Variants in SEMA4D observed in about 807,000 individuals in gnomAD.
The protein encoded by SEMA4D is semaphorin 4D.
In SEMA4D, 22 loss-of-function variants were observed where a neutral mutation model predicts 74.8. That is an observed-to-expected ratio of 0.29 (90% CI 0.21 to 0.42). The LOEUF is 0.42. Ranked by LOEUF, SEMA4D falls within the 10% of genes least tolerant of loss-of-function variation. SEMA4D has a pLI of 1.00. For missense variants in SEMA4D, 937 were observed against 1,118.4 expected (o/e 0.84, Z 2.31); for synonymous variants, 445 against 463.7 (o/e 0.96, Z 0.52).
At chr9:89,420,822 A>T (rs1441377952) in intron 2 of SEMA4D, among the ~76,000 whole-genome samples, 1 of 152,208 alleles carries the variant, frequency 6.6e-6, no homozygotes, top group East Asian at 1.9e-4. Flanking sequence ...CCTTATCCAA[A>T]AAGTGGGCAT....
intron 2 of SEMA4D, among the ~76,000 whole-genome samples, chr9:89,454,827 C>A (rs1855543034): frequency 6.6e-6 from 1 of 152,240 alleles, no homozygotes; most frequent in South Asian, 2.1e-4. Flanking sequence ...CCACAGCACT[C>A]CCAGCCCCCA....
chr9:89,394,575 C>A (rs1215288570), intron 6 of SEMA4D, among the ~76,000 whole-genome samples: 1 of 152,270 alleles, frequency 6.6e-6, no homozygotes, highest in Non-Finnish European at 1.5e-5. Flanking sequence ...ACAGCCTGGG[C>A]ATGCTGAAGA....
At chr9:89,384,788 TGA>T (rs1286456414) in intron 13 of SEMA4D, 2 of 985,206 alleles carry the variant, frequency 2.0e-6, no homozygotes, top group Admixed American at 6.1e-5. Flanking sequence ...CTGATCACCG[TGA>T]GAGAGCCTGA....
At chr9:89,405,857 C>G in intron 2 of SEMA4D, 158 bp from the exon 3 acceptor site, 2 of 1,259,460 alleles carry the variant, frequency 1.6e-6, no homozygotes, top group African/African-American at 1.5e-5. Context: ...TAGAAGTGGA[C>G]AGCCCAACGG....
intron 2 of SEMA4D, among the ~76,000 whole-genome samples, chr9:89,448,041 A>G (rs1853403380): frequency 6.6e-6 from 1 of 152,156 alleles, no homozygotes. Context: ...ACGCTGGGGT[A>G]CAAGCTCACT....
chr9:89,489,845 A>G (rs1825485432), intron 1 of SEMA4D, among the ~76,000 whole-genome samples: 1 of 152,186 alleles, frequency 6.6e-6, no homozygotes, highest in Admixed American at 6.5e-5. Flanking sequence ...CCTGCTTTCA[A>G]TTCTTTTAGG....
At chr9:89,367,634 GA>G (rs1833888852) in intron 16 of SEMA4D, 1 of 152,276 alleles carries the variant, frequency 6.6e-6, no homozygotes, top group Non-Finnish European at 1.5e-5. Flanking sequence ...CCTGAGGACA[GA>G]TATTTCCCCC....
intron 2 of SEMA4D, among the ~76,000 whole-genome samples, chr9:89,445,402 T>C (rs1357826064): frequency 6.6e-6 from 1 of 152,198 alleles, no homozygotes; most frequent in African/African-American, 2.4e-5. Context: ...CAGAAGTGTA[T>C]TCCCTCACAG....
chr9:89,474,493 G>A (rs780940166), intron 1 of SEMA4D, among the ~76,000 whole-genome samples: 11 of 152,166 alleles, frequency 7.2e-5, no homozygotes, highest in African/African-American at 1.7e-4. Flanking sequence ...CGTAAACTGC[G>A]TTTACATGAG....
At position 89,386,389 on chromosome 9, in the gene SEMA4D, G is replaced by A. The variant is rs1838507575; in HGVS notation, c.1424C>T (p.Thr475Ile). The A allele has an allele frequency of 6.2e-7, 1 of 1,613,560 alleles. No homozygotes were observed. Among genetic ancestry groups the A allele is most frequent in the East Asian group, 2.2e-5 (1 of 44,872 alleles). Residue 475 changes from threonine (T) to isoleucine (I), a missense_variant, in exon 13 of 16, where the codon ACC becomes ATC. By Grantham distance (89) the Thr-to-Ile change is moderately conservative. Coordinates refer to ENST00000422704, the MANE Select transcript of SEMA4D (RefSeq NM_001371194.2). ...QLFQDFEPVQ[T>I]LLLSSKKGNR... ...TACCTTCTTTGAAGACAGCAGCAGG[G>A]TCTGGACTGGCTCAAAGTCCTGGAA... is the stretch of plus-strand genomic sequence containing the variant.
chr9:89,455,554 T>C (rs1438144753), intron 2 of SEMA4D, among the ~76,000 whole-genome samples: 1 of 152,184 alleles, frequency 6.6e-6, no homozygotes. Flanking sequence ...CTTCCCTTCC[T>C]GCCGGGGAAG....
rs1491451024 is a variant in SEMA4D at position 89,450,660 on chromosome 9, G to GGAAAAAAAAAAAAAAA, written c.-244+5227_-244+5228insTTTTTTTTTTTTTTTC. ...GAGTTCTGCAAGTCGAAAAACCCAG[G>GGAAAAAAAAAAAAAAA]AAAAAAAAAAAAAAAAAAAAAAAAA... On this transcript the variant is annotated intron_variant, in intron 2 of 15. Coordinates refer to ENST00000422704, the MANE Select transcript of SEMA4D (RefSeq NM_001371194.2). The GGAAAAAAAAAAAAAAA allele has an allele frequency of 3.6e-3, 1,542 of 430,146 alleles. 173 individuals are homozygous for GGAAAAAAAAAAAAAAA. The highest frequency in any genetic ancestry group is 4.4e-3 in the African/African-American group (79 of 18,128). 26.6% of individuals were successfully genotyped at this position (430,146 alleles called of 1,614,324 possible).
In SEMA4D at chr9:89,455,964, G is replaced by A. The variant is rs187147120; in HGVS notation, c.-309-11C>T. ...TGGTGTTAGCAGAGTCTGAAACAGA[G>A]TTAGAAAAGGGCACATTTTAGCAGG... On this transcript the variant is annotated splice_polypyrimidine_tract_variant and intron_variant, in intron 1 of 15. Coordinates refer to ENST00000422704, the MANE Select transcript of SEMA4D (RefSeq NM_001371194.2). The A allele has an allele frequency of 4.1e-4, 62 of 152,380 alleles. No homozygotes were observed. The highest frequency in any genetic ancestry group is 1.4e-3 in the African/African-American group (57 of 41,584). 9.4% of individuals were successfully genotyped at this position (152,380 alleles called of 1,614,324 possible). A position where few individuals can be genotyped will look rare whatever the true frequency, so the allele number is the denominator to read the frequency against.
chr9:89,433,952 G>C (rs1326196156), intron 2 of SEMA4D, among the ~76,000 whole-genome samples: 1 of 152,252 alleles, frequency 6.6e-6, no homozygotes, highest in Non-Finnish European at 1.5e-5. Context: ...ATGATGAGCT[G>C]CAGAAGCCCC....
At chr9:89,402,781 G>T (rs1480820622) in intron 4 of SEMA4D, 90 bp downstream of exon 4, 9 of 1,423,566 alleles carry the variant, frequency 6.3e-6, no homozygotes, top group Non-Finnish European at 6.8e-6. Context: ...GAGGCTCCAG[G>T]TAAGTCAGCC....
In SEMA4D at chr9:89,379,538, G is replaced by A; in HGVS notation, c.1755C>T (p.Val585=). 6.2e-7 allele frequency: 1 copy of A among 1,614,160 alleles called. No homozygotes were observed. The highest frequency in any genetic ancestry group is 1.1e-5 in the South Asian group (1 of 91,082). The change falls in exon 16 of 16, where the codon GTC becomes GTT. Residue 585 remains valine (V), a synonymous_variant. Transcript: ENST00000422704. ...ACACGCCATTCTGGAACTTCCAAAA[G>A]ACCCGGGCCAGGTTGGATTTTTGGG... ...KCSQKSNLAR[V]FWKFQNGVLK...
intron 1 of SEMA4D, among the ~76,000 whole-genome samples, chr9:89,494,974 G>T (rs771816225): frequency 6.6e-6 from 1 of 152,182 alleles, no homozygotes; most frequent in Non-Finnish European, 1.5e-5. Flanking sequence ...TTTCAAAGGA[G>T]TGATGCTTGG....
downstream of SEMA4D, among the ~76,000 whole-genome samples, chr9:89,376,141 A>G (rs759722333): frequency 6.6e-6 from 1 of 152,386 alleles, no homozygotes; most frequent in Middle Eastern, 3.4e-3. Context: ...GCTTTTAAAT[A>G]CCACGAAGCA....
At chr9:89,360,914 T>C (rs1295474788) in exon 19 of SEMA4D, 2 of 152,212 alleles carry the variant, frequency 1.3e-5, no homozygotes, top group Admixed American at 6.5e-5. Context: ...GTAATTATTT[T>C]GTTAAGTGTG....
Sources: allele counts gnomAD v4.1 joint callset (sites outside exome capture counted in the v4.1 genomes callset), GRCh38; gene constraint gnomAD v4.1.1; transcripts MANE v1.5; gene names NCBI Gene and HGNC (gene_info 2026-07-23, HGNC 2026-07-21).